The following ZNF224 variants were observed in gnomAD, a reference collection of about 807,000 sequenced individuals.
ZNF224 encodes the protein zinc finger protein 224.
A neutral mutation model predicts 10.5 loss-of-function variants in ZNF224; 8 were observed. The ratio of observed to expected loss-of-function variants is 0.76; its 90% CI spans 0.45 to 1.37. ZNF224 has a LOEUF of 1.37. ZNF224 is among the 40% of genes most tolerant of loss of function. The pLI is 0.00. For synonymous variants in ZNF224, 282 were observed against 287.8 expected (o/e 0.98, Z 0.20); for missense variants, 754 against 854.0 (o/e 0.88, Z 1.46).
chr19:44,102,126 C>G (rs1967560514), intron 5 of ZNF224, among the ~76,000 whole-genome samples: 1 of 152,196 alleles, frequency 6.6e-6, no homozygotes, highest in Admixed American at 6.5e-5. Flanking sequence ...TATTCTGTCT[C>G]TACAGAAGCT....
At chr19:44,100,400 A>G (rs1423393898) in intron 3 of ZNF224, among the ~76,000 whole-genome samples, 1 of 152,220 alleles carries the variant, frequency 6.6e-6, no homozygotes. Context: ...AATAACATCC[A>G]GGGTTCGAGT....
rs529628207 is a variant in ZNF224, at chr19:44,101,013, G to A, written c.142+86G>A. 43 of 1,608,262 alleles carry A rather than the reference G, an allele frequency of 2.7e-5. No individual in the cohort carries two copies. In the Admixed American group the frequency reaches 5.9e-4, roughly 22 times the overall value. ...GGTACAAAGTTTCAAGTCTTAATTA[G>A]TAACTTGAACCTATGGTTCAAGTTT... is the stretch of plus-strand genomic sequence containing the variant. On this transcript the variant is annotated intron_variant, in intron 4 of 5. Coordinates refer to ENST00000693561, the MANE Select transcript of ZNF224 (RefSeq NM_001321645.3).
Position 44,107,199 on chromosome 19 carries a change from G to T in ZNF224, c.1039G>T (p.Glu347Ter). The change falls in exon 6 of 6, where the codon GAG (glutamate) becomes TAG (stop). Residue 347 changes from glutamate to a stop codon, truncating the protein, a stop_gained. Coordinates refer to ENST00000693561, the MANE Select transcript of ZNF224 (RefSeq NM_001321645.3). LOFTEE classifies it low-confidence loss of function (END_TRUNC). ...CACAGGAGAGAAACCATACAAATGT[G>T]AGGAGTGTGGAAAAGGCTTTATTTG... ...IHTGEKPYKC[E>*]ECGKGFICRR... is the part of the protein sequence containing the mutation. 6.2e-7 allele frequency: 1 copy of T among 1,605,234 alleles called. No individual in the cohort carries two copies. Among genetic ancestry groups the T allele is most frequent in the East Asian group, 2.2e-5 (1 of 44,842 alleles).
At chr19:44,097,282 A>G (rs913183482) in intron 2 of ZNF224, among the ~76,000 whole-genome samples, 1 of 152,220 alleles carries the variant, frequency 6.6e-6, no homozygotes, top group African/African-American at 2.4e-5. Flanking sequence ...ATTGTATCAT[A>G]TAACTTACTT....
Position 44,107,008 on chromosome 19 carries a change from CG to C in ZNF224, c.853del (p.Glu285ArgfsTer52), listed in dbSNP as rs764949369. On this transcript the variant is annotated frameshift_variant, in exon 6 of 6. Coordinates refer to ENST00000693561, the MANE Select transcript of ZNF224 (RefSeq NM_001321645.3). LOFTEE classifies it low-confidence loss of function (END_TRUNC). ...SQLQEHQRIHTGEKPFKCDIC... is the reference protein window; with the variant it reads ...SQLQEHQRIHXGEKPFKCDIC... ...CTTCAAGAACATCAGAGAATCCATA[CG>C]GGGGAGAAGCCATTCAAATGTGATA... 51 of 1,608,790 alleles carry C rather than the reference CG, an allele frequency of 3.2e-5. No homozygotes were observed. In the East Asian group the frequency reaches 3.8e-4, roughly 12 times the overall value.
At chr19:44,100,679 T>G in intron 3 of ZNF224, 122 bp from the exon 4 acceptor site, 1 of 1,241,382 alleles carries the variant, frequency 8.1e-7, no homozygotes, top group African/African-American at 1.5e-5. Context: ...AATCTACGAG[T>G]TGACCTATGT....
In ZNF224 at chr19:44,107,106, T is replaced by C; in HGVS notation, c.946T>C (p.Phe316Leu). 2.5e-6 allele frequency: 4 copies of C among 1,604,320 alleles called. No individual in the cohort carries two copies. The South Asian group carries it at 4.5e-5, about 18-fold the overall frequency. ...CATGGTTCACACGGCAGAGAAACCA[T>C]TCCGATGTGATACGTGTGATAAGAG... ...HSMVHTAEKP[F>L]RCDTCDKSFR... The change falls in exon 6 of 6, where the codon TTC becomes CTC. Residue 316 changes from phenylalanine (F) to leucine (L), a missense_variant. By Grantham distance (22) the Phe-to-Leu change is conservative. Transcript: ENST00000693561.
intron 3 of ZNF224, among the ~76,000 whole-genome samples, 194 bp downstream of exon 3, chr19:44,098,082 T>G (rs1320627063): frequency 6.6e-6 from 1 of 152,228 alleles, no homozygotes. Context: ...CTATCATTTA[T>G]TCTATGGAGT....
rs1188930093 is a variant in ZNF224, at chr19:44,101,181, A to G, written c.191A>G (p.Lys64Arg). Residue 64 changes from lysine (K) to arginine (R), a missense_variant, in exon 5 of 6, where the codon AAG becomes AGG. Lys to Arg is a conservative substitution (Grantham distance 26). Transcript: ENST00000693561. ...RDTFHFLREE[K>R]IWMMKTAIQR... ...ACTTTCCACTTCCTAAGGGAAGAAA[A>G]GATTTGGATGATGAAGACAGCAATC... 1.1e-5 allele frequency: 18 copies of G among 1,614,048 alleles called. No homozygotes were observed. Among genetic ancestry groups the G allele is most frequent in the Non-Finnish European group, 1.5e-5 (18 of 1,180,018 alleles).
intron 5 of ZNF224, among the ~76,000 whole-genome samples, chr19:44,104,547 A>G (rs1040544070): frequency 5.9e-5 from 9 of 152,282 alleles, no homozygotes; most frequent in Admixed American, 5.2e-4. Flanking sequence ...AGTTCTGGGA[A>G]GTACCAAATG....
intron 2 of ZNF224, 25 bp from the exon 3 acceptor site, chr19:44,097,781 T>G: frequency 6.8e-7 from 1 of 1,469,080 alleles, no homozygotes; most frequent in African/African-American, 1.4e-5. Flanking sequence ...ATGTCTCTTT[T>G]TCTGCCTTTC....
intron 2 of ZNF224, 114 bp from the exon 3 acceptor site, chr19:44,097,692 T>A: frequency 1.7e-6 from 1 of 598,430 alleles, no homozygotes; most frequent in Admixed American, 3.4e-5. Context: ...GTTTTTATGA[T>A]TAATGCTGCT....
At chr19:44,094,850 C>T (rs1967408151) in intron 1 of ZNF224, 1 of 152,370 alleles carries the variant, frequency 6.6e-6, no homozygotes, top group Non-Finnish European at 1.5e-5. Context: ...AAAGCAGTCC[C>T]TGTCACTTGG....
chr19:44,096,111 A>C (rs1967431339), intron 1 of ZNF224: 1 of 152,138 alleles, frequency 6.6e-6, no homozygotes, highest in Non-Finnish European at 1.5e-5. Flanking sequence ...GGAAATTTCC[A>C]AATGCTGACA....
chr19:44,098,088 G>T lies in ZNF224; in HGVS notation c.15+200G>T, dbSNP rs79119104. On this transcript the variant is annotated intron_variant, in intron 3 of 5. Transcript: ENST00000693561. ...TGTTTTCTTCTATCATTTATTCTAT[G>T]GAGTAGACAAGATTGTAGGAATGGA... Among the ~76,000 whole-genome samples, 961 of 152,116 alleles carry T rather than the reference G, an allele frequency of 6.3e-3. 12 individuals carry two copies. The highest frequency in any genetic ancestry group is 0.022 in the African/African-American group (899 of 41,474).
At chr19:44,103,537 A>G (rs186765963) in intron 5 of ZNF224, among the ~76,000 whole-genome samples, 72 of 152,306 alleles carry the variant, frequency 4.7e-4, no homozygotes, top group African/African-American at 1.5e-3. Flanking sequence ...TGTCATGAAG[A>G]TGTGATCATT....
intron 5 of ZNF224, among the ~76,000 whole-genome samples, chr19:44,102,095 T>A (rs80068834): frequency 0.022 from 3,308 of 152,298 alleles, 222 homozygotes; most frequent in Admixed American, 0.13. Flanking sequence ...GGACTGGATG[T>A]GGACATCTTT....
At chr19:44,103,408 G>T (rs892126209) in intron 5 of ZNF224, among the ~76,000 whole-genome samples, 15 of 152,170 alleles carry the variant, frequency 9.9e-5, no homozygotes, top group Non-Finnish European at 1.9e-4. Flanking sequence ...ACATTTTTAT[G>T]ATTGTGAGTC....
intron 5 of ZNF224, chr19:44,105,538 T>C (rs1967638637): frequency 6.6e-6 from 1 of 151,960 alleles, no homozygotes; most frequent in African/African-American, 2.4e-5. Flanking sequence ...AGTCTTTTTT[T>C]ATTAAAGTAT....
Sources: gnomAD v4.1 joint callset for allele counts (sites outside exome capture counted in the v4.1 genomes callset) on GRCh38, gnomAD v4.1.1 for gene constraint, MANE v1.5 for transcripts, NCBI Gene and HGNC (gene_info 2026-07-23, HGNC 2026-07-21) for gene names.